OPTN: variants seen among roughly 807,000 people sequenced by gnomAD.
OPTN encodes the protein E3-14.7K-interacting protein.
In OPTN, 54 loss-of-function variants were observed where a neutral mutation model predicts 70.4. The ratio of observed to expected loss-of-function variants is 0.77; its 90% confidence interval spans 0.62 to 0.96. The LOEUF (loss-of-function observed/expected upper bound fraction) is 0.96. Ranked by LOEUF, OPTN falls within the 40% of genes least tolerant of loss-of-function variation. The pLI is 0.00. For synonymous variants in OPTN, 256 were observed against 248.5 expected (o/e 1.03, Z -0.28); for missense variants, 624 against 673.2 (o/e 0.93, Z 0.81).
In OPTN at chr10:13,110,430, A is replaced by C; in HGVS notation, c.323A>C (p.Lys108Thr). 1 of 1,614,172 alleles carries C rather than the reference A, an allele frequency of 6.2e-7. No individual in the cohort carries two copies. Among genetic ancestry groups the C allele is most frequent in the Non-Finnish European group, 8.5e-7 (1 of 1,180,012 alleles). Residue 108 changes from lysine (K) to threonine (T), a missense_variant, in exon 4 of 15, where the codon AAG (lysine) becomes ACG (threonine). Physicochemically the swap from Lys to Thr is moderately conservative, Grantham distance 78. Transcript: ENST00000378747. ...MALSHENEKLKEELGKLKGKS... is the reference protein window; with the variant it reads ...MALSHENEKLTEELGKLKGKS... Reference sequence around the variant, plus strand: ...TTGAGTCATGAGAATGAGAAATTGAAGGAAGAGCTTGGAAAACTAAAAGGG... The same window carrying C: ...TTGAGTCATGAGAATGAGAAATTGACGGAAGAGCTTGGAAAACTAAAAGGG...
intron 4 of OPTN, among the ~76,000 whole-genome samples, chr10:13,110,995 T>G (rs543441493): frequency 3.9e-5 from 6 of 152,300 alleles, no homozygotes; most frequent in African/African-American, 1.4e-4. Flanking sequence ...AAGAGACACA[T>G]TTTTCTTAAC....
chr10:13,125,664 A>C, intron 10 of OPTN, 97 bp downstream of exon 10: 1 of 1,508,142 alleles, frequency 6.6e-7, no homozygotes, highest in Non-Finnish European at 9.1e-7. Flanking sequence ...AAATTTTAAA[A>C]AATTTCTTTT....
chr10:13,112,706 A>AT, intron 5 of OPTN, 71 bp downstream of exon 5: 1 of 1,441,740 alleles, frequency 6.9e-7, no homozygotes. Context: ...AACAAATACC[A>AT]CTTTTTCTTG....
intron 14 of OPTN, among the ~76,000 whole-genome samples, chr10:13,136,201 T>A (rs7078784): frequency 0.78 from 118,628 of 151,250 alleles, 46,697 homozygotes; most frequent in Middle Eastern, 0.94. Flanking sequence ...GAAAAAAAAG[T>A]AAAGAAAAGA....
intron 5 of OPTN, among the ~76,000 whole-genome samples, chr10:13,114,770 TTA>T (rs1564358629): frequency 2.0e-5 from 1 of 50,326 alleles, no homozygotes; most frequent in Non-Finnish European, 3.7e-5. Context: ...GCATATATAA[TTA>T]TATAATTATA....
At position 13,137,322 on chromosome 10, in the gene OPTN, G is replaced by GA. The variant is rs1393157284; in HGVS notation, c.*457dup. The GA allele has an allele frequency of 1.6e-5, 5 of 313,422 alleles. No homozygotes were observed. The highest frequency in any genetic ancestry group is 3.0e-5 in the Non-Finnish European group (5 of 166,154). 19.4% of individuals were successfully genotyped at this position (313,422 alleles called of 1,614,324 possible). A position where few individuals can be genotyped will look rare whatever the true frequency, so the allele number is the denominator to read the frequency against. Reference sequence around the variant, plus strand: ...AAGGAAGGAAGGAGAAGGAAGGAAGGAGAAGAAAAGGTACCTGTTCTACGT... The same window carrying GA: ...AAGGAAGGAAGGAGAAGGAAGGAAGGAAGAAGAAAAGGTACCTGTTCTACGT... On this transcript the variant is annotated 3_prime_UTR_variant, in exon 15 of 15. Coordinates refer to ENST00000378747, the MANE Select transcript of OPTN (RefSeq NM_001008212.2).
At chr10:13,117,119 T>C (rs544114072) in intron 6 of OPTN, among the ~76,000 whole-genome samples, 21 of 149,730 alleles carry the variant, frequency 1.4e-4, no homozygotes, top group Middle Eastern at 3.4e-3. Flanking sequence ...CTTGTTCTGT[T>C]GCCCAGGCTG....
At chr10:13,105,393 G>C (rs899835162) in intron 1 of OPTN, among the ~76,000 whole-genome samples, 26 of 152,182 alleles carry the variant, frequency 1.7e-4, no homozygotes, top group African/African-American at 6.3e-4. Flanking sequence ...TTTGCTGGAT[G>C]AGTCAATAAA....
At chr10:13,127,227 G>C (rs930975776) in intron 11 of OPTN, among the ~76,000 whole-genome samples, 1 of 151,972 alleles carries the variant, frequency 6.6e-6, no homozygotes, top group African/African-American at 2.4e-5. Context: ...GGCAATCCAC[G>C]TGCCTCAGCC....
At chr10:13,130,318 G>A (rs895013327) in intron 12 of OPTN, among the ~76,000 whole-genome samples, 18 of 150,988 alleles carry the variant, frequency 1.2e-4, no homozygotes, top group Admixed American at 6.0e-4. Flanking sequence ...CCAGCTACTC[G>A]GGAGGCTGAG....
At chr10:13,126,111 T>C in intron 11 of OPTN, 72 bp downstream of exon 11, 1 of 889,792 alleles carries the variant, frequency 1.1e-6, no homozygotes, top group Non-Finnish European at 1.9e-6. Context: ...GTATATAAAA[T>C]AGTTACATGA....
rs1833102379 is a variant in OPTN at position 13,114,814 on chromosome 10, T to TA, written c.553-1453_553-1452insA. Among the ~76,000 whole-genome samples the TA allele has an allele frequency of 2.1e-3, 139 of 66,688 alleles. 18 individuals are homozygous for TA. Among genetic ancestry groups the TA allele is most frequent in the Middle Eastern group, 0.017 (1 of 60 alleles). 43.7% of individuals were successfully genotyped at this position (66,688 alleles called of 152,430 possible). A position where few individuals can be genotyped will look rare whatever the true frequency, so the allele number is the denominator to read the frequency against. ...TATAATTATATATACATATATATAATTATATAATTATATAATTATATAATT... is the reference window on the plus strand; with the variant it reads ...TATAATTATATATACATATATATAATATATATAATTATATAATTATATAATT... On this transcript the variant is annotated intron_variant, in intron 5 of 14. Transcript: ENST00000378747.
At chr10:13,109,485 A>G in intron 3 of OPTN, 197 bp downstream of exon 3, 1 of 589,070 alleles carries the variant, frequency 1.7e-6, no homozygotes, top group Non-Finnish European at 3.0e-6. Flanking sequence ...ACAAGTAAAA[A>G]CTGTGTGTAT....
intron 6 of OPTN, 47 bp downstream of exon 6, chr10:13,116,387 C>G: frequency 7.3e-7 from 1 of 1,372,476 alleles, no homozygotes. Context: ...GCTGGGCAGG[C>G]TCGTCACTGG....
intron 1 of OPTN, among the ~76,000 whole-genome samples, chr10:13,103,546 C>T (rs1832794239): frequency 6.6e-6 from 1 of 152,202 alleles, no homozygotes; most frequent in South Asian, 2.1e-4. Context: ...CACTCGTGCT[C>T]TGTCATTGAA....
chr10:13,111,193 G>C (rs534704750), intron 4 of OPTN, among the ~76,000 whole-genome samples: 1 of 152,214 alleles, frequency 6.6e-6, no homozygotes, highest in South Asian at 2.1e-4. Context: ...GCAGGAGGTT[G>C]GGTGGTGGGA....
chr10:13,109,820 G>A (rs1832955069), intron 3 of OPTN, among the ~76,000 whole-genome samples: 1 of 125,722 alleles, frequency 8.0e-6, no homozygotes, highest in South Asian at 2.8e-4. Context: ...GGATGACAGA[G>A]AGAGACCCTG....
Position 13,112,463 on chromosome 10 carries a change from A to G in OPTN, c.380A>G (p.Asp127Gly). 6.2e-7 allele frequency: 1 copy of G among 1,613,996 alleles called. No individual in the cohort carries two copies. Among genetic ancestry groups the G allele is most frequent in the Admixed American group, 1.7e-5 (1 of 59,990 alleles). ...KSERSSEDPT[D>G]DSRLPRAEAE... ...CCTTGTCATCTCCAGGACCCCACTG[A>G]TGACTCCAGGCTTCCCAGGGCCGAA... The change falls in exon 5 of 15, where the codon GAT (aspartate) becomes GGT (glycine). Residue 127 changes from aspartate to glycine, a missense_variant. Transcript: ENST00000378747.
rs933309451 is a variant in OPTN, at chr10:13,122,716, C to T, written c.882+229C>T. On this transcript the variant is annotated intron_variant, in intron 8 of 14. Coordinates refer to ENST00000378747, the MANE Select transcript of OPTN (RefSeq NM_001008212.2). Reference sequence around the variant, plus strand: ...TGTTGGAGATGGAGTCTCACTCTGTCGCCAGGCTGGAGTGCAGTGGCACGA... The same window carrying T: ...TGTTGGAGATGGAGTCTCACTCTGTTGCCAGGCTGGAGTGCAGTGGCACGA... 2.1e-4 allele frequency: 97 copies of T among 466,892 alleles called. No homozygotes were observed. In the Admixed American group the frequency reaches 2.7e-3, roughly 13 times the overall value. The allele number at this position is 466,892 out of a possible 1,614,324, so 28.9% of individuals were successfully genotyped here. A position where few individuals can be genotyped will look rare whatever the true frequency, so the allele number is the denominator to read the frequency against.
Sources: gnomAD v4.1 joint callset for allele counts (sites outside exome capture counted in the v4.1 genomes callset) on GRCh38, gnomAD v4.1.1 for gene constraint, MANE v1.5 for transcripts, NCBI Gene and HGNC (gene_info 2026-07-23, HGNC 2026-07-21) for gene names.